Variants in MARK2 observed in about 807,000 individuals in gnomAD.
MARK2 encodes microtubule affinity regulating kinase 2.
In MARK2, 16 loss-of-function variants were observed where a neutral mutation model predicts 89.8. That is an observed-to-expected ratio of 0.18 (90% CI 0.12 to 0.27). The LOEUF (loss-of-function observed/expected upper bound fraction) is 0.27, where lower values mean the gene tolerates loss of function less well. Among genes scored for constraint, MARK2 ranks in the 10% least tolerant of loss-of-function variants. The pLI is 1.00. For synonymous variants in MARK2, 382 were observed against 399.5 expected (o/e 0.96, Z 0.52); for missense variants, 621 against 1,049.9 (o/e 0.59, Z 5.65).
intron 1 of MARK2, among the ~76,000 whole-genome samples, chr11:63,892,726 ATTTT>A (rs11412283): frequency 8.2e-6 from 1 of 122,108 alleles, no homozygotes; most frequent in Non-Finnish European, 1.6e-5. Flanking sequence ...CAGACTCTGC[ATTTT>A]TTTTTTTTTT....
intron 1 of MARK2, among the ~76,000 whole-genome samples, chr11:63,855,647 TG>T (rs2016803572): frequency 6.6e-6 from 1 of 152,200 alleles, no homozygotes. Context: ...TGAATTTTGG[TG>T]TAGTATCAAA....
At chr11:63,856,318 T>G (rs566313699) in intron 1 of MARK2, among the ~76,000 whole-genome samples, 5 of 58,726 alleles carry the variant, frequency 8.5e-5, no homozygotes, top group African/African-American at 1.6e-4. Flanking sequence ...GTTTTTTTTT[T>G]TTGTTTTTTT....
chr11:63,902,765 A>T lies in MARK2; in HGVS notation c.1399A>T (p.Thr467Ser), dbSNP rs1429956845. ...PLPGLERKKT[T>S]PTPSTNSVLS... ...GCCCGGTCTGGAGAGGAAGAAGACC[A>T]CCCCAACCCCCTCCACGGTGAGCCG... The change falls in exon 13 of 19, where the codon ACC (threonine) becomes TCC (serine). Residue 467 changes from threonine (T) to serine (S), a missense_variant. Around this residue, in one of 5 missense-constraint regions of MARK2, gnomAD observed 397 missense variants for 567.8 expected, o/e 0.70. Coordinates refer to ENST00000402010, the MANE Select transcript of MARK2 (RefSeq NM_001039469.3). The surrounding 1 kb of genome is among the most constrained non-coding windows in gnomAD (Gnocchi z 4.2). 1.9e-6 allele frequency: 3 copies of T among 1,611,992 alleles called. No individual in the cohort carries two copies. Among genetic ancestry groups the T allele is most frequent in the Non-Finnish European group, 1.7e-6 (2 of 1,179,378 alleles).
intron 1 of MARK2, among the ~76,000 whole-genome samples, chr11:63,876,992 G>A (rs1412274848): frequency 6.6e-6 from 1 of 151,450 alleles, no homozygotes; most frequent in African/African-American, 2.4e-5. Context: ...CTTCTGCACC[G>A]AAGAGTGCCA....
chr11:63,876,310 G>A (rs1175248836), intron 1 of MARK2, among the ~76,000 whole-genome samples: 1 of 152,190 alleles, frequency 6.6e-6, no homozygotes, highest in African/African-American at 2.4e-5. Context: ...TTCGTGATGA[G>A]CTTTGAGTAC....
intron 1 of MARK2, among the ~76,000 whole-genome samples, chr11:63,872,078 G>A (rs531560715): frequency 1.3e-5 from 2 of 152,330 alleles, no homozygotes; most frequent in South Asian, 2.1e-4. Context: ...CTTTTGAGAG[G>A]CAGCCAGTGG....
intron 1 of MARK2, among the ~76,000 whole-genome samples, chr11:63,870,586 A>G (rs1355201003): frequency 6.6e-6 from 1 of 152,136 alleles, no homozygotes; most frequent in Non-Finnish European, 1.5e-5. Context: ...TGAAGACACG[A>G]AGTGATTTAG....
chr11:63,840,556 C>T (rs2015958987), intron 1 of MARK2, among the ~76,000 whole-genome samples: 1 of 152,216 alleles, frequency 6.6e-6, no homozygotes, highest in Non-Finnish European at 1.5e-5. Context: ...GAACACAAAC[C>T]ATGATGACTT....
chr11:63,895,469 C>A, intron 2 of MARK2, 111 bp from the exon 3 acceptor site: 1 of 1,430,694 alleles, frequency 7.0e-7, no homozygotes, highest in Non-Finnish European at 9.9e-7. Flanking sequence ...TATAGGGGTG[C>A]AAAAAGCTGT....
intron 1 of MARK2, among the ~76,000 whole-genome samples, chr11:63,870,711 G>T (rs751598329): frequency 6.6e-6 from 1 of 152,222 alleles, no homozygotes; most frequent in African/African-American, 2.4e-5. Context: ...AGGAAGGCCC[G>T]AGCTGGGAAA....
chr11:63,899,734 C>T, intron 7 of MARK2, 140 bp from the exon 8 acceptor site: 1 of 701,532 alleles, frequency 1.4e-6, no homozygotes, highest in East Asian at 2.5e-5. Context: ...CTGATTGAAG[C>T]CCTGCCCTGA....
At chr11:63,851,961 G>A (rs771491685) in intron 1 of MARK2, among the ~76,000 whole-genome samples, 14 of 152,148 alleles carry the variant, frequency 9.2e-5, no homozygotes, top group Non-Finnish European at 2.1e-4. Context: ...TGAGAATTTT[G>A]GACACTGTAA....
In MARK2 at chr11:63,856,780, T is replaced by G. The variant is rs1268348585; in HGVS notation, c.54+17220T>G. Among the ~76,000 whole-genome samples the G allele has an allele frequency of 3.7e-3, 41 of 10,964 alleles. 1 individual carries two copies. The highest frequency in any genetic ancestry group is 0.025 in the African/African-American group (39 of 1,550). The allele number at this position is 10,964 out of a possible 152,430, so 7.2% of individuals were successfully genotyped here. ...TTAAATTTTTCATGTTTTTTTTTTT[T>G]TTTTTTTTTTTTTTTTTTTTTTTTT... On this transcript the variant is annotated intron_variant, in intron 1 of 18. Coordinates refer to ENST00000402010, the MANE Select transcript of MARK2 (RefSeq NM_001039469.3).
intron 1 of MARK2, among the ~76,000 whole-genome samples, chr11:63,885,951 A>G (rs370098075): frequency 6.6e-6 from 1 of 151,540 alleles, no homozygotes; most frequent in Non-Finnish European, 1.5e-5. Flanking sequence ...ACATGGTGAA[A>G]CCTCGTCTCT....
chr11:63,882,934 G>A (rs777062728), intron 1 of MARK2, among the ~76,000 whole-genome samples: 6 of 152,192 alleles, frequency 3.9e-5, no homozygotes, highest in Admixed American at 2.6e-4. Flanking sequence ...AAGTGAGCCA[G>A]ACCTCTATGC....
chr11:63,909,171 G>A lies in MARK2; in HGVS notation c.2301G>A (p.Arg767=). 6.2e-7 allele frequency: 1 copy of A among 1,611,918 alleles called. No individual in the cohort carries two copies. Among genetic ancestry groups the A allele is most frequent in the Non-Finnish European group, 8.5e-7 (1 of 1,178,212 alleles). ...CTCTCAACGGGGTTCGATTTAAGCG[G>A]ATATCGGGCACCTCCATGGCCTTCA... ...RLSLNGVRFK[R]ISGTSMAFKN... Residue 767 remains arginine (R), a synonymous_variant, in exon 19 of 19, where the codon CGG becomes CGA. Coordinates refer to ENST00000402010, the MANE Select transcript of MARK2 (RefSeq NM_001039469.3).
chr11:63,879,855 T>C (rs943196705), intron 1 of MARK2, among the ~76,000 whole-genome samples: 23 of 152,114 alleles, frequency 1.5e-4, no homozygotes, highest in African/African-American at 4.6e-4. Context: ...TCCTCCTCCT[T>C]ATTCAACTCC....
At chr11:63,850,699 C>T (rs2016531969) in intron 1 of MARK2, among the ~76,000 whole-genome samples, 1 of 152,156 alleles carries the variant, frequency 6.6e-6, no homozygotes, top group Non-Finnish European at 1.5e-5. Flanking sequence ...TCCAAAGTCA[C>T]CAGAGCTTGA....
chr11:63,840,095 A>G (rs781761273), intron 1 of MARK2, among the ~76,000 whole-genome samples: 24 of 151,382 alleles, frequency 1.6e-4, no homozygotes, highest in Non-Finnish European at 2.8e-4. Context: ...AGCTTTTTCT[A>G]CCCTGCTTCT....
Sources: allele counts gnomAD v4.1 joint callset (sites outside exome capture counted in the v4.1 genomes callset), GRCh38; gene constraint gnomAD v4.1.1; regional missense constraint gnomAD v4.1.1; non-coding constraint Gnocchi (gnomAD v3.1); transcripts MANE v1.5; gene names NCBI Gene and HGNC (gene_info 2026-07-23, HGNC 2026-07-21).